The following OR7D2 variants were observed in gnomAD, a reference collection of about 807,000 sequenced individuals.
OR7D2 encodes the protein olfactory receptor 7D2.
For missense variants in OR7D2, 370 were observed against 384.1 expected (o/e 0.96, Z 0.31); for synonymous variants, 158 against 158.7 (o/e 1.00, Z 0.03).
chr19:9,182,904 G>A, intron 2 of OR7D2: 1 of 391,162 alleles, frequency 2.6e-6, no homozygotes, highest in Non-Finnish European at 5.1e-6. Flanking sequence ...AATTGACCTG[G>A]GCCACTCAAC....
chr19:9,179,953 A>T (rs2050978621), intron 1 of OR7D2, among the ~76,000 whole-genome samples: 1 of 151,848 alleles, frequency 6.6e-6, no homozygotes, highest in South Asian at 2.1e-4. Context: ...CAGTGAGCTG[A>T]GATTGCACCA....
At position 9,185,963 on chromosome 19, in the gene OR7D2, T is replaced by C; in HGVS notation, c.182T>C (p.Phe61Ser). The C allele has an allele frequency of 1.2e-6, 2 of 1,614,142 alleles. No homozygotes were observed. The highest frequency in any genetic ancestry group is 2.2e-5 in the East Asian group (1 of 44,884). ...SDSHLHTPMY[F>S]FLSNLSWVDI... is the part of the protein sequence containing the mutation. Reference sequence around the variant, plus strand: ...TCCCACCTCCACACCCCCATGTACTTCTTCCTCTCCAACCTGTCCTGGGTT... The same window carrying C: ...TCCCACCTCCACACCCCCATGTACTCCTTCCTCTCCAACCTGTCCTGGGTT... Residue 61 changes from phenylalanine (F) to serine (S), a missense_variant, in exon 3 of 3, where the codon TTC becomes TCC. Phe to Ser is a radical substitution (Grantham distance 155, BLOSUM62 -2). Transcript: ENST00000641288.
At chr19:9,184,593 A>G (rs991653659) in intron 2 of OR7D2, among the ~76,000 whole-genome samples, 17 of 152,360 alleles carry the variant, frequency 1.1e-4, no homozygotes, top group Admixed American at 9.8e-4. Context: ...TCGTAAAGAT[A>G]TCTGCATGCT....
chr19:9,179,680 C>T (rs983181025), intron 1 of OR7D2, among the ~76,000 whole-genome samples: 2 of 152,108 alleles, frequency 1.3e-5, no homozygotes, highest in Admixed American at 1.3e-4. Flanking sequence ...AGTCTACCTG[C>T]TAACACCTTC....
At chr19:9,181,750 C>T (rs1357994654) in intron 2 of OR7D2, among the ~76,000 whole-genome samples, 1 of 152,120 alleles carries the variant, frequency 6.6e-6, no homozygotes, top group Admixed American at 6.5e-5. Flanking sequence ...CCATGCCTGG[C>T]ATTTCTTTGT....
At position 9,187,894 on chromosome 19, in the gene OR7D2, A is replaced by C. The variant is rs1327114078; in HGVS notation, c.*1174A>C. On this transcript the variant is annotated 3_prime_UTR_variant, in exon 3 of 3. Coordinates refer to ENST00000641288, the MANE Select transcript of OR7D2 (RefSeq NM_175883.4). ...CCTTTTTATGGATAAGTAGTATTCC[A>C]TGCTGTACATATACCACAATCTTTA... 1 of 165,064 alleles carries C rather than the reference A, an allele frequency of 6.1e-6. No individual in the cohort carries two copies. Among genetic ancestry groups the C allele is most frequent in the Non-Finnish European group, 1.5e-5 (1 of 68,112 alleles). The allele number at this position is 165,064 out of a possible 1,614,324, so 10.2% of individuals were successfully genotyped here.
At chr19:9,183,069 C>A in intron 2 of OR7D2, 1 of 322,616 alleles carries the variant, frequency 3.1e-6, no homozygotes, top group Non-Finnish European at 6.5e-6. Flanking sequence ...CGAAATTCTA[C>A]TTTGCTTCCC....
rs1230084544 is a variant in OR7D2, at chr19:9,187,892, C to T, written c.*1172C>T. 3 of 164,844 alleles carry T rather than the reference C, an allele frequency of 1.8e-5. No individual in the cohort carries two copies. Among genetic ancestry groups the T allele is most frequent in the Non-Finnish European group, 1.5e-5 (1 of 68,094 alleles). 10.2% of individuals were successfully genotyped at this position (164,844 alleles called of 1,614,324 possible). A position where few individuals can be genotyped will look rare whatever the true frequency, so the allele number is the denominator to read the frequency against. Reference sequence around the variant, plus strand: ...TTCCTTTTTATGGATAAGTAGTATTCCATGCTGTACATATACCACAATCTT... The same window carrying T: ...TTCCTTTTTATGGATAAGTAGTATTTCATGCTGTACATATACCACAATCTT... On this transcript the variant is annotated 3_prime_UTR_variant, in exon 3 of 3. Transcript: ENST00000641288.
At chr19:9,182,521 A>AT (rs375691216) in intron 2 of OR7D2, 1 of 120,792 alleles carries the variant, frequency 8.3e-6, no homozygotes, top group South Asian at 2.0e-4. Context: ...TATTATCATT[A>AT]TTATTATTAT....
chr19:9,185,977 C>T lies in OR7D2; in HGVS notation c.196C>T (p.Leu66=). The part of the protein sequence containing the change: ...HTPMYFFLSN[L]SWVDICFSTC... ...CCCCATGTACTTCTTCCTCTCCAACCTGTCCTGGGTTGACATCTGTTTCAG... is the reference window on the plus strand; with the variant it reads ...CCCCATGTACTTCTTCCTCTCCAACTTGTCCTGGGTTGACATCTGTTTCAG... The change falls in exon 3 of 3, where the codon CTG becomes TTG. Residue 66 remains leucine (L), a synonymous_variant. Coordinates refer to ENST00000641288, the MANE Select transcript of OR7D2 (RefSeq NM_175883.4). The T allele has an allele frequency of 6.2e-7, 1 of 1,614,144 alleles. No homozygotes were observed. Among genetic ancestry groups the T allele is most frequent in the African/African-American group, 1.3e-5 (1 of 75,042 alleles).
chr19:9,185,964 C>G lies in OR7D2; in HGVS notation c.183C>G (p.Phe61Leu). 6.2e-7 allele frequency: 1 copy of G among 1,614,152 alleles called. No homozygotes were observed. Among genetic ancestry groups the G allele is most frequent in the East Asian group, 2.2e-5 (1 of 44,884 alleles). The change falls in exon 3 of 3, where the codon TTC (phenylalanine) becomes TTG (leucine). Residue 61 changes from phenylalanine to leucine, a missense_variant. Coordinates refer to ENST00000641288, the MANE Select transcript of OR7D2 (RefSeq NM_175883.4). ...SDSHLHTPMY[F>L]FLSNLSWVDI... ...CCCACCTCCACACCCCCATGTACTT[C>G]TTCCTCTCCAACCTGTCCTGGGTTG...
intron 2 of OR7D2, among the ~76,000 whole-genome samples, chr19:9,183,863 A>G (rs1289578651): frequency 2.1e-5 from 3 of 142,062 alleles, no homozygotes; most frequent in African/African-American, 7.7e-5. Flanking sequence ...AGGCTGAGGC[A>G]GGAGAATGGC....
chr19:9,181,865 G>A (rs142213225), intron 2 of OR7D2, among the ~76,000 whole-genome samples: 408 of 152,276 alleles, frequency 2.7e-3, no homozygotes, highest in African/African-American at 9.3e-3. Context: ...GTCTTTGGCA[G>A]GAATCCCACA....
chr19:9,182,445 G>T, intron 2 of OR7D2: 1 of 326,738 alleles, frequency 3.1e-6, no homozygotes, highest in Non-Finnish European at 5.8e-6. Flanking sequence ...AATCTCGGTG[G>T]AGCTGTTAGC....
intron 1 of OR7D2, among the ~76,000 whole-genome samples, 167 bp from the exon 2 acceptor site, chr19:9,180,531 A>C (rs2050982563): frequency 6.6e-6 from 1 of 151,980 alleles, no homozygotes; most frequent in African/African-American, 2.4e-5. Context: ...AATTTTTTAC[A>C]CTCTTAGGAT....
intron 2 of OR7D2, among the ~76,000 whole-genome samples, chr19:9,181,131 A>T (rs1169775888): frequency 6.6e-6 from 1 of 151,196 alleles, no homozygotes; most frequent in Non-Finnish European, 1.5e-5. Flanking sequence ...TCAAAAAAAA[A>T]ATTGTTTCAC....
At chr19:9,180,175 T>C (rs890093988) in intron 1 of OR7D2, among the ~76,000 whole-genome samples, 3 of 151,184 alleles carry the variant, frequency 2.0e-5, no homozygotes, top group Non-Finnish European at 4.4e-5. Flanking sequence ...CACTGATTAG[T>C]TGTAATTAAT....
At chr19:9,180,504 C>G (rs576476860) in intron 1 of OR7D2, among the ~76,000 whole-genome samples, 194 bp from the exon 2 acceptor site, 162 of 152,258 alleles carry the variant, frequency 1.1e-3, no homozygotes, top group African/African-American at 3.7e-3. Context: ...ACTTTGTTAT[C>G]TGACTTGCCG....
rs1020632978 is a variant in OR7D2, at chr19:9,187,946, G to T, written c.*1226G>T. On this transcript the variant is annotated 3_prime_UTR_variant, in exon 3 of 3. Transcript: ENST00000641288. ...CACTCATTGGTTGATGGGCACTTAG[G>T]TTGGTTCCATGCCTTTGTAATTGCT... The T allele has an allele frequency of 6.0e-6, 1 of 166,582 alleles. No homozygotes were observed. Among genetic ancestry groups the T allele is most frequent in the Non-Finnish European group, 1.5e-5 (1 of 68,118 alleles). The allele number at this position is 166,582 out of a possible 1,614,324, so 10.3% of individuals were successfully genotyped here. A position where few individuals can be genotyped will look rare whatever the true frequency, so the allele number is the denominator to read the frequency against.
Sources: allele counts gnomAD v4.1 joint callset (sites outside exome capture counted in the v4.1 genomes callset), GRCh38; gene constraint gnomAD v4.1.1; transcripts MANE v1.5; gene names NCBI Gene and HGNC (gene_info 2026-07-23, HGNC 2026-07-21).